ADAM19: variants seen among roughly 807,000 people sequenced by gnomAD.
ADAM19 encodes disintegrin and metalloproteinase domain-containing protein 19.
In ADAM19, 65 loss-of-function variants were observed where a neutral mutation model predicts 114.7. That is an observed-to-expected ratio of 0.57 (90% CI 0.46 to 0.70). ADAM19 has a LOEUF of 0.70. Ranked by LOEUF, ADAM19 falls within the 30% of genes least tolerant of loss-of-function variation. The probability of loss-of-function intolerance (pLI) is 0.00; values close to 1 mark genes in which losing one functional copy is unlikely to be tolerated. For missense variants in ADAM19, 1,063 were observed against 1,204.7 expected, an observed-to-expected ratio of 0.88 and a Z score of 1.74; for synonymous variants, 466 against 460.5, an observed-to-expected ratio of 1.01 and a Z score of -0.15.
chr5:157,513,431 C>T lies in ADAM19; in HGVS notation c.738+3G>A. On this transcript the variant is annotated splice_donor_region_variant and intron_variant, in intron 8 of 22. Transcript: ENST00000257527. ...TTCCCACAAAGTACACACCTGGTCTCACCTTATCAACATAGTTGGCGATCT... is the reference window on the plus strand; with the variant it reads ...TTCCCACAAAGTACACACCTGGTCTTACCTTATCAACATAGTTGGCGATCT... 1 of 1,613,758 alleles carries T rather than the reference C, an allele frequency of 6.2e-7. No individual in the cohort carries two copies. Among genetic ancestry groups the T allele is most frequent in the Non-Finnish European group, 8.5e-7 (1 of 1,179,776 alleles).
chr5:157,479,206 T>C lies in ADAM19; in HGVS notation c.*1743A>G. The C allele has an allele frequency of 2.0e-6, 2 of 985,852 alleles. No individual in the cohort carries two copies. Among genetic ancestry groups the C allele is most frequent in the Non-Finnish European group, 2.4e-6 (2 of 829,940 alleles). 61.1% of individuals were successfully genotyped at this position (985,852 alleles called of 1,614,324 possible). ...AAGAGAAACTCATTTTCCTGAGATCTTTCTAAACCCAACCCAGGCTTTTCC... is the reference window on the plus strand; with the variant it reads ...AAGAGAAACTCATTTTCCTGAGATCCTTCTAAACCCAACCCAGGCTTTTCC... On this transcript the variant is annotated 3_prime_UTR_variant, in exon 23 of 23. Transcript: ENST00000257527.
chr5:157,497,182 A>G (rs1415882658), intron 13 of ADAM19, 93 bp from the exon 14 acceptor site: 2 of 1,168,438 alleles, frequency 1.7e-6, no homozygotes, highest in Non-Finnish European at 2.3e-6. Context: ...CTCATAGAAC[A>G]GAATTTTCCA....
At chr5:157,481,395 T>TAC (rs1754740763) in intron 22 of ADAM19, 1 of 602,870 alleles carries the variant, frequency 1.7e-6, no homozygotes, top group African/African-American at 1.9e-5. Context: ...GGGCCAAGTG[T>TAC]ACACAGCCTC....
intron 8 of ADAM19, among the ~76,000 whole-genome samples, chr5:157,512,296 A>G (rs2113730519): frequency 6.6e-6 from 1 of 152,348 alleles, no homozygotes; most frequent in East Asian, 1.9e-4. Context: ...TGACTTCAGA[A>G]CTAATACATT....
intron 21 of ADAM19, among the ~76,000 whole-genome samples, chr5:157,482,346 T>C (rs1754782145): frequency 6.6e-6 from 1 of 152,254 alleles, no homozygotes; most frequent in Middle Eastern, 3.2e-3. Context: ...TCTCCCATTC[T>C]GTAGGTTGCC....
chr5:157,530,945 T>C (rs1756607127), intron 4 of ADAM19, 62 bp from the exon 5 acceptor site: 1 of 1,411,444 alleles, frequency 7.1e-7, no homozygotes, highest in African/African-American at 1.4e-5. Flanking sequence ...AATGTTAATA[T>C]CTCAGGATGG....
At chr5:157,490,251 T>C in intron 19 of ADAM19, 59 bp downstream of exon 19, 2 of 1,595,174 alleles carry the variant, frequency 1.3e-6, no homozygotes, top group Non-Finnish European at 1.7e-6. Context: ...AAGTACCATT[T>C]ATGGAGACCT....
intron 21 of ADAM19, among the ~76,000 whole-genome samples, chr5:157,484,807 G>A (rs1413883717): frequency 6.6e-6 from 1 of 152,234 alleles, no homozygotes; most frequent in Non-Finnish European, 1.5e-5. Context: ...ACAGCTGGGT[G>A]CAGATGTCAG....
At chr5:157,511,798 C>T (rs1338868670) in intron 8 of ADAM19, among the ~76,000 whole-genome samples, 1 of 152,168 alleles carries the variant, frequency 6.6e-6, no homozygotes, top group Non-Finnish European at 1.5e-5. Context: ...TTCCCTTACC[C>T]GCCAGGAGTG....
At chr5:157,481,982 G>T (rs753421480) in intron 21 of ADAM19, 39 bp from the exon 22 acceptor site, 1 of 1,495,828 alleles carries the variant, frequency 6.7e-7, no homozygotes, top group Non-Finnish European at 9.0e-7. Context: ...AAGGCCAGAG[G>T]CCTGTTTGAA....
chr5:157,520,100 T>C, intron 5 of ADAM19, 69 bp from the exon 6 acceptor site: 3 of 1,449,202 alleles, frequency 2.1e-6, no homozygotes, highest in Non-Finnish European at 2.8e-6. Context: ...GTGTAGGTCT[T>C]AGTTTCTCCA....
chr5:157,506,347 G>C (rs1230825075), intron 10 of ADAM19, among the ~76,000 whole-genome samples: 6 of 152,228 alleles, frequency 3.9e-5, no homozygotes, highest in Non-Finnish European at 8.8e-5. Flanking sequence ...AAACATGGAA[G>C]TGTGTTTCCT....
chr5:157,480,768 G>T lies in ADAM19; in HGVS notation c.*181C>A. 6.9e-7 allele frequency: 1 copy of T among 1,442,968 alleles called. No individual in the cohort carries two copies. Among genetic ancestry groups the T allele is most frequent in the Non-Finnish European group, 9.1e-7 (1 of 1,104,642 alleles). The allele number at this position is 1,442,968 out of a possible 1,614,324, so 89.4% of individuals were successfully genotyped here. ...GGCCATCAGATCATAGTCCCTCTGGGCTTCCAAGGAAGCCGAGGAGGCACT... is the reference window on the plus strand; with the variant it reads ...GGCCATCAGATCATAGTCCCTCTGGTCTTCCAAGGAAGCCGAGGAGGCACT... On this transcript the variant is annotated 3_prime_UTR_variant, in exon 23 of 23. Transcript: ENST00000257527.
chr5:157,500,298 C>T (rs1033619615), intron 12 of ADAM19, among the ~76,000 whole-genome samples: 1 of 152,096 alleles, frequency 6.6e-6, no homozygotes, highest in South Asian at 2.1e-4. Flanking sequence ...CACCATGCCC[C>T]GCTAGGACAC....
At chr5:157,550,872 T>C (rs1197352701) in intron 3 of ADAM19, among the ~76,000 whole-genome samples, 1 of 152,176 alleles carries the variant, frequency 6.6e-6, no homozygotes, top group Non-Finnish European at 1.5e-5. Flanking sequence ...TTTGACTCAG[T>C]TGGGTATACA....
At chr5:157,506,989 G>A (rs1244333199) in intron 10 of ADAM19, 67 bp downstream of exon 10, 17 of 1,314,872 alleles carry the variant, frequency 1.3e-5, no homozygotes, top group Non-Finnish European at 1.7e-5. Flanking sequence ...TTATTCAAAA[G>A]ATGACCTCTG....
intron 5 of ADAM19, among the ~76,000 whole-genome samples, chr5:157,523,529 C>T (rs1276519163): frequency 6.6e-6 from 1 of 152,056 alleles, no homozygotes; most frequent in Admixed American, 6.6e-5. Flanking sequence ...AAGAGCCTGG[C>T]ACCTCCTCCC....
At chr5:157,499,698 G>A (rs894243235) in intron 12 of ADAM19, 36 bp from the exon 13 acceptor site, 2 of 1,443,042 alleles carry the variant, frequency 1.4e-6, no homozygotes, top group Admixed American at 3.7e-5. Context: ...AGTGGGGGAG[G>A]GCCTTCACCA....
chr5:157,541,466 G>T (rs1756916028), intron 3 of ADAM19, among the ~76,000 whole-genome samples: 1 of 152,206 alleles, frequency 6.6e-6, no homozygotes, highest in Non-Finnish European at 1.5e-5. Flanking sequence ...ACTCTGCCAT[G>T]TCTCGGCACC....
Sources: allele counts gnomAD v4.1 joint callset (sites outside exome capture counted in the v4.1 genomes callset), GRCh38; gene constraint gnomAD v4.1.1; transcripts MANE v1.5; gene names NCBI Gene and HGNC (gene_info 2026-07-23, HGNC 2026-07-21).